The following COL5A1 variants were observed in gnomAD, a reference collection of about 807,000 sequenced individuals.
COL5A1 encodes collagen type V alpha 1 chain, also known as collagen alpha-1(V) chain.
A neutral mutation model predicts 263.7 loss-of-function variants in COL5A1; 16 were observed. The ratio of observed to expected loss-of-function variants is 0.06; its 90% CI spans 0.04 to 0.09. COL5A1 has a LOEUF of 0.09. Among genes scored for constraint, COL5A1 ranks in the 10% least tolerant of loss-of-function variants. The pLI is 1.00. For synonymous variants in COL5A1, 1,012 were observed against 1,004.5 expected, an observed-to-expected ratio of 1.01 and a Z score of -0.14; for missense variants, 2,036 against 2,540.5, an observed-to-expected ratio of 0.80 and a Z score of 4.27.
At position 134,824,460 on chromosome 9, in the gene COL5A1, C is replaced by T. The variant is rs113110193; in HGVS notation, c.4699-140C>T. ...GGAAGGGATGGAAACAGTTCTAAGG[C>T]GGACAGATGTCCATGTAGCCCAGGT... On this transcript the variant is annotated intron_variant, in intron 61 of 65. Transcript: ENST00000371817. 4,449 of 1,017,808 alleles carry T rather than the reference C, an allele frequency of 4.4e-3. 123 individuals are homozygous for T. The African/African-American group carries it at 0.058, about 13-fold the overall frequency. The allele number at this position is 1,017,808 out of a possible 1,614,324, so 63.0% of individuals were successfully genotyped here. A position where few individuals can be genotyped will look rare whatever the true frequency, so the allele number is the denominator to read the frequency against.
chr9:134,701,667 C>T (rs1365771739), intron 4 of COL5A1, among the ~76,000 whole-genome samples: 2 of 152,170 alleles, frequency 1.3e-5, no homozygotes, highest in Non-Finnish European at 2.9e-5. Context: ...GAAACCTGCA[C>T]ACTCCTGCCG....
chr9:134,816,653 A>G (rs1838756895), intron 52 of COL5A1, among the ~76,000 whole-genome samples: 1 of 152,236 alleles, frequency 6.6e-6, no homozygotes, highest in South Asian at 2.1e-4. Context: ...AGACACCCCC[A>G]GTCCACCACT....
At chr9:134,648,158 C>T (rs1230496289) in intron 1 of COL5A1, among the ~76,000 whole-genome samples, 19 of 152,018 alleles carry the variant, frequency 1.2e-4, no homozygotes, top group Admixed American at 1.2e-3. Flanking sequence ...CTGGACGCTT[C>T]CTGCCCTCGA....
chr9:134,817,213 C>T (rs1838790589), intron 53 of COL5A1, 134 bp downstream of exon 53: 3 of 777,516 alleles, frequency 3.9e-6, no homozygotes, highest in East Asian at 5.3e-5. Context: ...GTGGCATGTT[C>T]TCCACTTAGC....
At chr9:134,816,976 A>G (rs1838775773) in intron 52 of COL5A1, 50 bp from the exon 53 acceptor site, 1 of 1,533,064 alleles carries the variant, frequency 6.5e-7, no homozygotes, top group East Asian at 2.2e-5. Flanking sequence ...GCCTCAATTG[A>G]GTCTAACGGG....
intron 42 of COL5A1, among the ~76,000 whole-genome samples, chr9:134,807,533 T>C (rs1838337970): frequency 6.6e-6 from 1 of 152,190 alleles, no homozygotes; most frequent in African/African-American, 2.4e-5. Context: ...CCTCAAGTGA[T>C]CTACCCGCCT....
intron 65 of COL5A1, among the ~76,000 whole-genome samples, chr9:134,837,853 C>T (rs1022545268): frequency 6.6e-6 from 1 of 152,112 alleles, no homozygotes; most frequent in Non-Finnish European, 1.5e-5. Context: ...AACCTGAGGC[C>T]CAGAGAGTTA....
Position 134,821,490 on chromosome 9 carries a change from G to A in COL5A1, c.4555-607G>A, listed in dbSNP as rs1480804878. 6.6e-6 allele frequency among the ~76,000 whole-genome samples: 1 copy of A among 152,222 alleles called. No individual in the cohort carries two copies. Among genetic ancestry groups the A allele is most frequent in the Non-Finnish European group, 1.5e-5 (1 of 68,040 alleles). On this transcript the variant is annotated intron_variant, in intron 58 of 65. Transcript: ENST00000371817. The surrounding 1 kb of genome is among the most constrained non-coding windows in gnomAD (Gnocchi z 4.2). ...CTCTGAGTGGAATCCAGGGCTGTAG[G>A]GAGAGAGGCTGCAGGTGGCTCCAGC...
At position 134,680,994 on chromosome 9, in the gene COL5A1, T is replaced by C. The variant is rs1023932480; in HGVS notation, c.110-9918T>C. Among the ~76,000 whole-genome samples, 1 of 152,152 alleles carries C rather than the reference T, an allele frequency of 6.6e-6. No individual in the cohort carries two copies. Among genetic ancestry groups the C allele is most frequent in the Non-Finnish European group, 1.5e-5 (1 of 68,010 alleles). On this transcript the variant is annotated intron_variant, in intron 1 of 65. Transcript: ENST00000371817. This position sits in a 1 kb window ranked among gnomAD's most constrained non-coding sequence, Gnocchi z 5.9. ...CTGCCATCCTCCCAGGATGGTGTCC[T>C]CGGCCTGTGCTGCAGCCCCAGGCCC...
chr9:134,672,593 T>C (rs1564378116), intron 1 of COL5A1, among the ~76,000 whole-genome samples: 1 of 152,226 alleles, frequency 6.6e-6, no homozygotes, highest in Non-Finnish European at 1.5e-5. Context: ...CTAAATGCTT[T>C]CACCCTAAGA....
intron 48 of COL5A1, among the ~76,000 whole-genome samples, chr9:134,813,734 G>T (rs915810119): frequency 6.6e-6 from 1 of 152,232 alleles, no homozygotes; most frequent in African/African-American, 2.4e-5. Flanking sequence ...CAGCGCTCCG[G>T]GAAAGCCTTC....
At chr9:134,730,212 G>A (rs1256861639) in intron 6 of COL5A1, 24 bp from the exon 7 acceptor site, 7 of 1,611,628 alleles carry the variant, frequency 4.3e-6, no homozygotes, top group Admixed American at 1.7e-5. Context: ...CCTGACTCCA[G>A]CTGTCTCTGT....
intron 63 of COL5A1, among the ~76,000 whole-genome samples, chr9:134,826,727 T>A (rs1427657430): frequency 6.7e-6 from 1 of 148,718 alleles, no homozygotes; most frequent in Non-Finnish European, 1.5e-5. Context: ...GGGTGGTGTG[T>A]GGGTGTGTAC....
intron 1 of COL5A1, among the ~76,000 whole-genome samples, chr9:134,684,121 G>A (rs553068402): frequency 6.6e-6 from 1 of 152,210 alleles, no homozygotes; most frequent in African/African-American, 2.4e-5. Flanking sequence ...CAAGGGGAGG[G>A]GCTGCTGAGC....
At chr9:134,685,737 TCCATCCATCCATCCA>T (rs1293331400) in intron 1 of COL5A1, among the ~76,000 whole-genome samples, 6 of 146,730 alleles carry the variant, frequency 4.1e-5, no homozygotes, top group Admixed American at 6.7e-5. Context: ...CATTCATCCA[TCCATCCATCCATCCA>T]CCATCCATCC....
At chr9:134,707,912 G>GTGC (rs2132588307) in intron 4 of COL5A1, among the ~76,000 whole-genome samples, 1 of 152,336 alleles carries the variant, frequency 6.6e-6, no homozygotes, top group Admixed American at 6.5e-5. Flanking sequence ...GCGAGACTGG[G>GTGC]TGCTGAGCTG....
In COL5A1 at chr9:134,818,603, G is replaced by A. The variant is rs1838859180; in HGVS notation, c.4231-53G>A. 2.9e-6 allele frequency: 4 copies of A among 1,370,204 alleles called. No individual in the cohort carries two copies. The highest frequency in any genetic ancestry group is 1.2e-5 in the South Asian group (1 of 81,896). The allele number at this position is 1,370,204 out of a possible 1,614,324, so 84.9% of individuals were successfully genotyped here. A position where few individuals can be genotyped will look rare whatever the true frequency, so the allele number is the denominator to read the frequency against. Reference sequence around the variant, plus strand: ...TTTCCGAGCAGTGGTCCTGGGCCAGGGTGCCTGGAGCCTAGAGCTCCGGAC... The same window carrying A: ...TTTCCGAGCAGTGGTCCTGGGCCAGAGTGCCTGGAGCCTAGAGCTCCGGAC... On this transcript the variant is annotated intron_variant, in intron 54 of 65. Coordinates refer to ENST00000371817, the MANE Select transcript of COL5A1 (RefSeq NM_000093.5). The surrounding 1 kb of genome is among the most constrained non-coding windows in gnomAD (Gnocchi z 6.0).
intron 1 of COL5A1, among the ~76,000 whole-genome samples, chr9:134,665,068 G>A (rs1294739984): frequency 2.0e-5 from 3 of 152,092 alleles, no homozygotes; most frequent in African/African-American, 4.8e-5. Flanking sequence ...GTGTGGTGGC[G>A]GGCGTCTGTA....
rs760966887 is a variant in COL5A1, at chr9:134,754,241, G to C, written c.1774-32G>C. The C allele has an allele frequency of 4.3e-6, 7 of 1,610,850 alleles. No homozygotes were observed. Among genetic ancestry groups the C allele is most frequent in the Non-Finnish European group, 5.9e-6 (7 of 1,178,570 alleles). ...TCTTTCTCCTGAGAAAGGCGGACTCGCCACTGACCCTTTGTCTCTTACCCC... is the reference window on the plus strand; with the variant it reads ...TCTTTCTCCTGAGAAAGGCGGACTCCCCACTGACCCTTTGTCTCTTACCCC... On this transcript the variant is annotated intron_variant, in intron 15 of 65. Coordinates refer to ENST00000371817, the MANE Select transcript of COL5A1 (RefSeq NM_000093.5). The surrounding 1 kb of genome is among the most constrained non-coding windows in gnomAD (Gnocchi z 4.3).
Sources: allele counts gnomAD v4.1 joint callset (sites outside exome capture counted in the v4.1 genomes callset), GRCh38; gene constraint gnomAD v4.1.1; non-coding constraint Gnocchi (gnomAD v3.1); transcripts MANE v1.5; gene names NCBI Gene and HGNC (gene_info 2026-07-23, HGNC 2026-07-21).